Variants in ALDH4A1 observed in about 807,000 individuals in gnomAD.
The protein encoded by ALDH4A1 is aldehyde dehydrogenase 4 family member A1.
Under a neutral mutation model 70.5 loss-of-function variants are expected in ALDH4A1, and 46 were observed. The observed-to-expected ratio is 0.65, with a 90% CI of 0.51 to 0.83. The LOEUF is 0.83. ALDH4A1 is among the 40% of genes least tolerant of loss of function. ALDH4A1 has a pLI of 0.00. For missense variants in ALDH4A1, 749 were observed against 766.5 expected, an observed-to-expected ratio of 0.98 and a Z score of 0.27; for synonymous variants, 323 against 324.3, an observed-to-expected ratio of 1.00 and a Z score of 0.04.
chr1:18,876,080 G>A (rs1934667817), intron 12 of ALDH4A1, among the ~76,000 whole-genome samples: 1 of 152,236 alleles, frequency 6.6e-6, no homozygotes, highest in South Asian at 2.1e-4. Flanking sequence ...GTTGCTGAGG[G>A]CACTGGAAAT....
At chr1:18,890,732 C>T (rs764203927) in intron 1 of ALDH4A1, 78 of 985,442 alleles carry the variant, frequency 7.9e-5, no homozygotes, top group Non-Finnish European at 8.8e-5. Flanking sequence ...TGCAAAACCA[C>T]GTTGAAGTAT....
At chr1:18,874,122 C>G (rs762249204) in intron 14 of ALDH4A1, among the ~76,000 whole-genome samples, 3 of 152,216 alleles carry the variant, frequency 2.0e-5, no homozygotes, top group Non-Finnish European at 4.4e-5. Context: ...CTTTGGCAAG[C>G]CATTGCTCCT....
rs960804372 is a variant in ALDH4A1 at position 18,874,332 on chromosome 1, G to C, written c.1579+131C>G. 2.4e-5 allele frequency: 20 copies of C among 827,316 alleles called. 1 individual carries two copies. In the African/African-American group the frequency reaches 3.2e-4, roughly 13 times the overall value. 51.2% of individuals were successfully genotyped at this position (827,316 alleles called of 1,614,324 possible). A position where few individuals can be genotyped will look rare whatever the true frequency, so the allele number is the denominator to read the frequency against. On this transcript the variant is annotated intron_variant, in intron 14 of 14. Transcript: ENST00000375341. ...TTTGCTGAAAGGACCCTGAGCTAGTGCACTTGCTTGGCCCACAATAAGTGC... is the reference window on the plus strand; with the variant it reads ...TTTGCTGAAAGGACCCTGAGCTAGTCCACTTGCTTGGCCCACAATAAGTGC...
At chr1:18,876,033 A>G (rs1315179588) in intron 12 of ALDH4A1, among the ~76,000 whole-genome samples, 1 of 152,210 alleles carries the variant, frequency 6.6e-6, no homozygotes, top group African/African-American at 2.4e-5. Context: ...GTAAAAGTCT[A>G]TCAGTGTCAG....
chr1:18,889,841 C>T (rs1935365735), intron 2 of ALDH4A1, among the ~76,000 whole-genome samples, 171 bp downstream of exon 2: 2 of 152,336 alleles, frequency 1.3e-5, no homozygotes, highest in African/African-American at 4.8e-5. Context: ...CTTGGTCCTC[C>T]CAGCTGTTCC....
chr1:18,883,500 T>C lies in ALDH4A1; in HGVS notation c.454-72A>G, dbSNP rs1935073585. 30 of 1,601,644 alleles carry C rather than the reference T, an allele frequency of 1.9e-5. No individual in the cohort carries two copies. The South Asian group carries it at 3.3e-4, about 18-fold the overall frequency. On this transcript the variant is annotated intron_variant, in intron 5 of 14. Transcript: ENST00000375341. ...TCCATCCTCTTCTCACATCTGACGC[T>C]GTGCCCAAAGCGAGCACTGAGCCGG...
chr1:18,874,923 C>T lies in ALDH4A1; in HGVS notation c.1461-342G>A, dbSNP rs568775116. On this transcript the variant is annotated intron_variant, in intron 13 of 14. Coordinates refer to ENST00000375341, the MANE Select transcript of ALDH4A1 (RefSeq NM_003748.4). ...ACCCTTCCTCCCTCTCCAAGCTCACCTCCACTTTCTCATAGAGGCAGACAT... is the reference window on the plus strand; with the variant it reads ...ACCCTTCCTCCCTCTCCAAGCTCACTTCCACTTTCTCATAGAGGCAGACAT... Among the ~76,000 whole-genome samples the T allele has an allele frequency of 5.3e-5, 8 of 152,376 alleles. No homozygotes were observed. In the East Asian group the frequency reaches 1.3e-3, roughly 26 times the overall value.
intron 9 of ALDH4A1, among the ~76,000 whole-genome samples, chr1:18,878,715 A>G (rs1250484076): frequency 6.6e-6 from 1 of 152,226 alleles, no homozygotes; most frequent in Non-Finnish European, 1.5e-5. Flanking sequence ...AGAGCATTCA[A>G]GGCTCTGAGA....
At chr1:18,879,003 T>G (rs1934852634) in intron 9 of ALDH4A1, among the ~76,000 whole-genome samples, 1 of 152,196 alleles carries the variant, frequency 6.6e-6, no homozygotes, top group Non-Finnish European at 1.5e-5. Flanking sequence ...CAGCCACGAC[T>G]GGCTACTAAG....
intron 5 of ALDH4A1, 126 bp from the exon 6 acceptor site, chr1:18,883,554 A>G: frequency 7.6e-7 from 1 of 1,320,036 alleles, no homozygotes; most frequent in Admixed American, 2.0e-5. Context: ...AAACATTTGG[A>G]GGGCTCACCA....
At chr1:18,875,538 G>T in intron 12 of ALDH4A1, 35 bp from the exon 13 acceptor site, 1 of 1,613,374 alleles carries the variant, frequency 6.2e-7, no homozygotes, top group Non-Finnish European at 8.5e-7. Context: ...ACCCTCCACG[G>T]GACCAGGGAC....
At position 18,885,522 on chromosome 1, in the gene ALDH4A1, A is replaced by G. The variant is rs1935162594; in HGVS notation, c.404T>C (p.Leu135Pro). Residue 135 changes from leucine to proline, a missense_variant, in exon 5 of 15, where the codon CTG (leucine) becomes CCG (proline). Coordinates refer to ENST00000375341, the MANE Select transcript of ALDH4A1 (RefSeq NM_003748.4). ...GATCTCAGCCCTGCGCGGCCCACTC[A>G]GCATGTCTGCCGCCTTCAGGAAGAT... ...AQIFLKAADMLSGPRRAEILA... is the reference protein window; with the variant it reads ...AQIFLKAADMPSGPRRAEILA... 6.4e-7 allele frequency: 1 copy of G among 1,550,662 alleles called. No individual in the cohort carries two copies. The highest frequency in any genetic ancestry group is 8.7e-7 in the Non-Finnish European group (1 of 1,148,396).
At chr1:18,879,973 C>G (rs528324577) in intron 8 of ALDH4A1, among the ~76,000 whole-genome samples, 9 of 152,342 alleles carry the variant, frequency 5.9e-5, no homozygotes, top group African/African-American at 2.2e-4. Context: ...CACCCGGGAG[C>G]CAGCGACACA....
At chr1:18,875,654 C>T in intron 12 of ALDH4A1, 151 bp from the exon 13 acceptor site, 1 of 1,243,600 alleles carries the variant, frequency 8.0e-7, no homozygotes, top group Non-Finnish European at 1.1e-6. Flanking sequence ...GGTGTCGCCT[C>T]CTCCTGGGTT....
Position 18,872,797 on chromosome 1 carries a change from C to T in ALDH4A1, c.*48G>A, listed in dbSNP as rs371308328. 4.7e-6 allele frequency: 7 copies of T among 1,496,186 alleles called. No individual in the cohort carries two copies. Among genetic ancestry groups the T allele is most frequent in the East Asian group, 2.3e-5 (1 of 44,180 alleles). The allele number at this position is 1,496,186 out of a possible 1,614,324, so 92.7% of individuals were successfully genotyped here. ...TGGAGTGGGGTCTGTGCAGTGAGGT[C>T]GGCCACCTGGACGGACAGACAGCTG... On this transcript the variant is annotated 3_prime_UTR_variant, in exon 15 of 15. Coordinates refer to ENST00000375341, the MANE Select transcript of ALDH4A1 (RefSeq NM_003748.4).
At chr1:18,877,149 C>T (rs1934730224) in intron 11 of ALDH4A1, 59 bp downstream of exon 11, 6 of 1,575,288 alleles carry the variant, frequency 3.8e-6, no homozygotes, top group Non-Finnish European at 4.3e-6. Context: ...CTCTTCCTCC[C>T]TCTTCCACCC....
At chr1:18,879,832 G>A (rs1934893330) in intron 8 of ALDH4A1, among the ~76,000 whole-genome samples, 2 of 152,160 alleles carry the variant, frequency 1.3e-5, no homozygotes, top group African/African-American at 2.4e-5. Context: ...GGCCTGAGAG[G>A]CCAAACCGAG....
At chr1:18,882,416 C>T (rs966639324) in intron 7 of ALDH4A1, 27 of 403,764 alleles carry the variant, frequency 6.7e-5, no homozygotes, top group African/African-American at 5.5e-4. Flanking sequence ...CTATGTGGAC[C>T]TCTCCCACCC....
intron 1 of ALDH4A1, among the ~76,000 whole-genome samples, chr1:18,895,303 C>T (rs955452310): frequency 1.3e-5 from 2 of 152,230 alleles, no homozygotes; most frequent in African/African-American, 2.4e-5. Flanking sequence ...TGCCCTGAGC[C>T]TGAGACCTCA....
Sources: gnomAD v4.1 joint callset for allele counts (sites outside exome capture counted in the v4.1 genomes callset) on GRCh38, gnomAD v4.1.1 for gene constraint, MANE v1.5 for transcripts, NCBI Gene and HGNC (gene_info 2026-07-23, HGNC 2026-07-21) for gene names.